PPIP5K1: variants seen among roughly 807,000 people sequenced by gnomAD.
PPIP5K1 encodes the protein inositol hexakisphosphate and diphosphoinositol-pentakisphosphate kinase 1.
PPIP5K1 carries 6 observed loss-of-function variants against 27.7 expected under a neutral mutation model. The ratio of observed to expected loss-of-function variants is 0.22; its 90% CI spans 0.12 to 0.43. The LOEUF is 0.43. PPIP5K1 is among the 20% of genes least tolerant of loss of function. The pLI, the probability that PPIP5K1 is intolerant of heterozygous loss-of-function variation, is 1.00. For synonymous variants in PPIP5K1, 145 were observed against 242.6 expected, an observed-to-expected ratio of 0.60 and a Z score of 3.74; for missense variants, 394 against 635.4, an observed-to-expected ratio of 0.62 and a Z score of 4.08.
rs1233564555 is a variant in PPIP5K1 at position 43,536,050 on chromosome 15, C to T, written c.3671-574G>A. On this transcript the variant is annotated intron_variant, in intron 31 of 31. Transcript: ENST00000420765. The stretch of plus-strand genomic sequence containing the variant: ...AATGTATTTCTGGGGCAGAGGTAAT[C>T]ATTATTTATAGCCCAAATGATAAGT... 3.2e-6 allele frequency: 4 copies of T among 1,246,090 alleles called. No individual in the cohort carries two copies. The Admixed American group carries it at 9.6e-5, about 30-fold the overall frequency. The allele number at this position is 1,246,090 out of a possible 1,614,324, so 77.2% of individuals were successfully genotyped here.
Position 43,541,563 on chromosome 15 carries a change from A to G in PPIP5K1, c.3557-1980T>C, listed in dbSNP as rs145721784. ...GAAATTCCATTTCTACAAAAAATAC[A>G]AAAACTAGCCAGGCGTGGTGGTGGG... is the stretch of plus-strand genomic sequence containing the variant. On this transcript the variant is annotated intron_variant, in intron 30 of 31. Transcript: ENST00000420765. Among the ~76,000 whole-genome samples, 132 of 152,210 alleles carry G rather than the reference A, an allele frequency of 8.7e-4. 1 individual carries two copies. Among genetic ancestry groups the G allele is most frequent in the Middle Eastern group, 3.4e-3 (1 of 294 alleles).
At position 43,535,368 on chromosome 15, in the gene PPIP5K1, T is replaced by C. The variant is rs2079701534; in HGVS notation, c.3779A>G (p.His1260Arg). ...AAGGCCTTGATGTTCTTCAGCCACGTGTGAATTTAGGGAGGGTTGATCACT... is the reference window on the plus strand; with the variant it reads ...AAGGCCTTGATGTTCTTCAGCCACGCGTGAATTTAGGGAGGGTTGATCACT... Reference protein sequence around the residue: ...GFSDQPSLNSHVAEEHQGLGL... With the variant: ...GFSDQPSLNSRVAEEHQGLGL... Residue 1260 changes from histidine to arginine, a missense_variant, in exon 32 of 32, where the codon CAC (histidine) becomes CGC (arginine). His to Arg is a conservative substitution (Grantham distance 29). This residue lies in a region of PPIP5K1 where 379 missense variants were observed against 423.9 expected (regional missense o/e 0.89). Transcript: ENST00000420765. 2 of 1,614,158 alleles carry C rather than the reference T, an allele frequency of 1.2e-6. No homozygotes were observed. Among genetic ancestry groups the C allele is most frequent in the Non-Finnish European group, 1.7e-6 (2 of 1,180,034 alleles).
At chr15:43,555,380 A>G (rs1254006609) in intron 30 of PPIP5K1, among the ~76,000 whole-genome samples, 1 of 150,484 alleles carries the variant, frequency 6.6e-6, no homozygotes, top group Non-Finnish European at 1.5e-5. Flanking sequence ...GGCTCAGGTG[A>G]TCCTCCCACC....
intron 30 of PPIP5K1, among the ~76,000 whole-genome samples, chr15:43,542,647 AGTGTGT>A (rs56361192): frequency 2.4e-3 from 290 of 121,338 alleles, no homozygotes; most frequent in African/African-American, 4.8e-3. Context: ...ATATATATTC[AGTGTGT>A]GTGTGTGTGT....
At chr15:43,547,743 T>G (rs1204870289) in intron 30 of PPIP5K1, among the ~76,000 whole-genome samples, 2 of 152,254 alleles carry the variant, frequency 1.3e-5, no homozygotes, top group Non-Finnish European at 2.9e-5. Context: ...CTGTTTTGAT[T>G]ACTATAGCTT....
intron 30 of PPIP5K1, among the ~76,000 whole-genome samples, chr15:43,557,966 C>G (rs2083222928): frequency 6.6e-6 from 1 of 151,482 alleles, no homozygotes; most frequent in African/African-American, 2.4e-5. Context: ...CACTGCACCC[C>G]ACTCATTCTT....
chr15:43,537,879 A>C (rs1443038355), intron 31 of PPIP5K1, among the ~76,000 whole-genome samples: 2 of 150,854 alleles, frequency 1.3e-5, no homozygotes, highest in Non-Finnish European at 2.9e-5. Flanking sequence ...AAAAAGAAAA[A>C]GAAAAGATGT....
At chr15:43,543,917 G>A (rs965133705) in intron 30 of PPIP5K1, among the ~76,000 whole-genome samples, 2 of 151,650 alleles carry the variant, frequency 1.3e-5, no homozygotes, top group Admixed American at 6.6e-5. Context: ...AGTTCTTTTT[G>A]TCCCACCAAA....
intron 26 of PPIP5K1, among the ~76,000 whole-genome samples, chr15:43,565,495 C>T (rs1292203803): frequency 1.5e-5 from 2 of 135,450 alleles, no homozygotes; most frequent in Non-Finnish European, 3.1e-5. Context: ...TTTCATCCAA[C>T]ATCCCCTCCC....
intron 30 of PPIP5K1, among the ~76,000 whole-genome samples, chr15:43,556,960 G>A (rs1188623328): frequency 6.6e-6 from 1 of 152,150 alleles, no homozygotes; most frequent in East Asian, 1.9e-4. Context: ...TCACAATGTT[G>A]GTTCTAGCAG....
At position 43,546,069 on chromosome 15, in the gene PPIP5K1, C is replaced by A. The variant is rs574943917; in HGVS notation, c.3557-6486G>T. Reference sequence around the variant, plus strand: ...CATCCTACTCCCAAACCCTGGAAACCACCAATCTGCTTTCCGTCTCTATGG... The same window carrying A: ...CATCCTACTCCCAAACCCTGGAAACAACCAATCTGCTTTCCGTCTCTATGG... On this transcript the variant is annotated intron_variant, in intron 30 of 31. Transcript: ENST00000420765. Among the ~76,000 whole-genome samples the A allele has an allele frequency of 6.2e-4, 93 of 151,038 alleles. 1 individual carries two copies. Among genetic ancestry groups the A allele is most frequent in the Admixed American group, 1.2e-3 (18 of 15,176 alleles).
intron 31 of PPIP5K1, among the ~76,000 whole-genome samples, chr15:43,539,106 G>T (rs992120346): frequency 2.0e-5 from 3 of 151,932 alleles, no homozygotes; most frequent in African/African-American, 7.3e-5. Context: ...AGCTACTTGG[G>T]AGGCTGAGGC....
rs575471655 is a variant in PPIP5K1, at chr15:43,534,293, A to C, written c.*381T>G. On this transcript the variant is annotated 3_prime_UTR_variant, in exon 32 of 32. Transcript: ENST00000420765. ...TGCTCAGAGAAGGCTGGGTAATGAC[A>C]GACCAACCCACCCCAAGGAAATCCT... 2.9e-5 allele frequency: 5 copies of C among 169,892 alleles called. No homozygotes were observed. Among genetic ancestry groups the C allele is most frequent in the Admixed American group, 6.1e-5 (1 of 16,324 alleles). 10.5% of individuals were successfully genotyped at this position (169,892 alleles called of 1,614,324 possible).
Position 43,535,246 on chromosome 15 carries a change from G to A in PPIP5K1, c.3901C>T (p.Pro1301Ser). The A allele has an allele frequency of 1.9e-6, 3 of 1,614,202 alleles. No individual in the cohort carries two copies. Among genetic ancestry groups the A allele is most frequent in the Non-Finnish European group, 2.5e-6 (3 of 1,180,026 alleles). Residue 1301 changes from proline to serine, a missense_variant, in exon 32 of 32, where the codon CCT (proline) becomes TCT (serine). By Grantham distance (74) the Pro-to-Ser change is moderately conservative. Around this residue, in one of 4 missense-constraint regions of PPIP5K1, gnomAD observed 379 missense variants for 423.9 expected, o/e 0.89. Transcript: ENST00000420765. ...TCGTATGGCTGGCTGGTTTCCATAG[G>A]TGGCACCTGTGGGGACTGATTTGGT... ...FEPNQSPQVPPMETSQPYEEV... is the reference protein window; with the variant it reads ...FEPNQSPQVPSMETSQPYEEV...
chr15:43,555,312 A>G (rs1317073910), intron 30 of PPIP5K1, among the ~76,000 whole-genome samples: 1 of 151,906 alleles, frequency 6.6e-6, no homozygotes, highest in African/African-American at 2.4e-5. Flanking sequence ...GTCTCAGTCT[A>G]TCACCCAGGC....
At chr15:43,544,029 A>G (rs567377201) in intron 30 of PPIP5K1, among the ~76,000 whole-genome samples, 2 of 151,658 alleles carry the variant, frequency 1.3e-5, no homozygotes, top group Admixed American at 1.3e-4. Context: ...TTTTTTTGCA[A>G]TTTTAGGTTT....
At chr15:43,542,000 G>C (rs1488309340) in intron 30 of PPIP5K1, among the ~76,000 whole-genome samples, 1 of 152,170 alleles carries the variant, frequency 6.6e-6, no homozygotes, top group Non-Finnish European at 1.5e-5. Flanking sequence ...TTATAAGTAA[G>C]GCTAAGTTTA....
chr15:43,536,092 A>G, intron 31 of PPIP5K1: 1 of 1,286,278 alleles, frequency 7.8e-7, no homozygotes, highest in African/African-American at 1.5e-5. Context: ...AAGAATGTAG[A>G]AAAACCATGT....
chr15:43,579,381 T>TACACACACACAC (rs879415771), intron 10 of PPIP5K1, among the ~76,000 whole-genome samples: 1 of 32,110 alleles, frequency 3.1e-5, no homozygotes, highest in Non-Finnish European at 5.1e-5. Context: ...GCTTCGATTA[T>TACACACACACAC]ATACACACAC....
Sources: allele counts gnomAD v4.1 joint callset (sites outside exome capture counted in the v4.1 genomes callset), GRCh38; gene constraint gnomAD v4.1.1; regional missense constraint gnomAD v4.1.1; transcripts MANE v1.5; gene names NCBI Gene and HGNC (gene_info 2026-07-23, HGNC 2026-07-21).